The following ZNF100 variants were observed in gnomAD, a reference collection of about 807,000 sequenced individuals.
The protein encoded by ZNF100 is zinc finger protein 100.
In ZNF100, 12 loss-of-function variants were observed where a neutral mutation model predicts 15.8. The observed-to-expected ratio is 0.76, with a 90% CI of 0.49 to 1.23. The LOEUF (loss-of-function observed/expected upper bound fraction) is 1.23. ZNF100 is among the 50% of genes most tolerant of loss of function. The pLI is 0.00. For synonymous variants in ZNF100, 226 were observed against 214.8 expected (o/e 1.05, Z -0.45); for missense variants, 670 against 635.6 (o/e 1.05, Z -0.58).
At chr19:21,740,495 A>C (rs2036089095) in intron 4 of ZNF100, among the ~76,000 whole-genome samples, 1 of 152,068 alleles carries the variant, frequency 6.6e-6, no homozygotes, top group South Asian at 2.1e-4. Flanking sequence ...GAAAAAAAAA[A>C]CATTCAACTG....
At chr19:21,766,466 T>G (rs1418206608) in intron 1 of ZNF100, among the ~76,000 whole-genome samples, 1 of 151,188 alleles carries the variant, frequency 6.6e-6, no homozygotes, top group Non-Finnish European at 1.5e-5. Flanking sequence ...AATTACTACA[T>G]TCAGAGAAAA....
chr19:21,748,160 T>A (rs781444261), intron 2 of ZNF100, among the ~76,000 whole-genome samples: 1 of 152,152 alleles, frequency 6.6e-6, no homozygotes, highest in Non-Finnish European at 1.5e-5. Context: ...ATACAAAATT[T>A]AAAAAAATAA....
chr19:21,726,534 C>G lies in ZNF100; in HGVS notation c.*149G>C. On this transcript the variant is annotated 3_prime_UTR_variant, in exon 5 of 5. Coordinates refer to ENST00000358296, the MANE Select transcript of ZNF100 (RefSeq NM_173531.4). ...CATCTTTCTGGTTTGTAGAATTTCT[C>G]TCTAGTATGAATTATCTTATGTCTG... is the stretch of plus-strand genomic sequence containing the variant. 1.4e-6 allele frequency: 1 copy of G among 718,424 alleles called. No individual in the cohort carries two copies. Among genetic ancestry groups the G allele is most frequent in the Non-Finnish European group, 2.2e-6 (1 of 461,134 alleles). The allele number at this position is 718,424 out of a possible 1,614,324, so 44.5% of individuals were successfully genotyped here. A position where few individuals can be genotyped will look rare whatever the true frequency, so the allele number is the denominator to read the frequency against.
Position 21,726,542 on chromosome 19 carries a change from T to C in ZNF100, c.*141A>G. 1.3e-6 allele frequency: 1 copy of C among 746,748 alleles called. No homozygotes were observed. The highest frequency in any genetic ancestry group is 2.1e-6 in the Non-Finnish European group (1 of 483,126). 46.3% of individuals were successfully genotyped at this position (746,748 alleles called of 1,614,324 possible). On this transcript the variant is annotated 3_prime_UTR_variant, in exon 5 of 5. Coordinates refer to ENST00000358296, the MANE Select transcript of ZNF100 (RefSeq NM_173531.4). ...TGGTTTGTAGAATTTCTCTCTAGTA[T>C]GAATTATCTTATGTCTGTTAGGAAT...
At chr19:21,754,259 G>C (rs2145734611) in intron 2 of ZNF100, among the ~76,000 whole-genome samples, 1 of 151,230 alleles carries the variant, frequency 6.6e-6, no homozygotes, top group South Asian at 2.1e-4. Context: ...ACAAAACATT[G>C]TTTATGGAGT....
chr19:21,746,788 T>C (rs1429831968), intron 2 of ZNF100: 2 of 151,826 alleles, frequency 1.3e-5, no homozygotes, highest in Non-Finnish European at 1.5e-5. Context: ...TAGAAAAGAG[T>C]GGACAAAGCT....
chr19:21,751,253 A>G (rs1599398521), intron 2 of ZNF100: 1 of 1,173,264 alleles, frequency 8.5e-7, no homozygotes, highest in East Asian at 2.3e-5. Context: ...AGCCAGCCTA[A>G]CCTTAGAACC....
At chr19:21,750,657 C>T (rs1472288771) in intron 2 of ZNF100, 2 of 210,858 alleles carry the variant, frequency 9.5e-6, no homozygotes, top group East Asian at 1.1e-4. Flanking sequence ...GCGCGGCGAG[C>T]GTGCAGGGAG....
intron 4 of ZNF100, among the ~76,000 whole-genome samples, chr19:21,735,222 G>T (rs935277903): frequency 2.0e-5 from 3 of 152,014 alleles, no homozygotes; most frequent in African/African-American, 7.3e-5. Context: ...AATTTAAATG[G>T]ACTGAATGCT....
intron 4 of ZNF100, among the ~76,000 whole-genome samples, chr19:21,730,104 TTC>T (rs893665848): frequency 5.9e-4 from 89 of 152,110 alleles, no homozygotes; most frequent in Non-Finnish European, 7.5e-4. Context: ...TAGTATGTCT[TTC>T]TGTTTCAGAA....
intron 3 of ZNF100, 133 bp from the exon 4 acceptor site, chr19:21,744,248 T>C: frequency 4.8e-6 from 4 of 826,334 alleles, no homozygotes; most frequent in Non-Finnish European, 6.6e-6. Flanking sequence ...GAGAGAAATT[T>C]CTAAATATTT....
chr19:21,756,853 G>A (rs1446034857), intron 2 of ZNF100, among the ~76,000 whole-genome samples: 2 of 152,132 alleles, frequency 1.3e-5, no homozygotes, highest in African/African-American at 2.4e-5. Flanking sequence ...ACAGGGCTAC[G>A]ATAACCAAAG....
chr19:21,741,846 T>C (rs2036115205), intron 4 of ZNF100, among the ~76,000 whole-genome samples: 1 of 152,096 alleles, frequency 6.6e-6, no homozygotes, highest in South Asian at 2.1e-4. Context: ...CTGGCAATTT[T>C]TTAAATAATT....
intron 4 of ZNF100, among the ~76,000 whole-genome samples, chr19:21,739,056 C>T (rs371892581): frequency 7.9e-5 from 12 of 152,152 alleles, no homozygotes; most frequent in African/African-American, 1.9e-4. Flanking sequence ...ATGAGAAATT[C>T]GTCCCCATGA....
In ZNF100 at chr19:21,723,360, C is replaced by CAAAAAAAAAAAAAA. The variant is rs763305626; in HGVS notation, c.*3309_*3322dup. ...GGGCAACAAGAGTGAGACTCTGTCT[C>CAAAAAAAAAAAAAA]AAAAAAAAAAAAAAAAAAAAAAACA... is the stretch of plus-strand genomic sequence containing the variant. On this transcript the variant is annotated 3_prime_UTR_variant, in exon 5 of 5. Transcript: ENST00000358296. 1.9e-5 allele frequency: 1 copy of CAAAAAAAAAAAAAA among 52,804 alleles called. No homozygotes were observed. Among genetic ancestry groups the CAAAAAAAAAAAAAA allele is most frequent in the Non-Finnish European group, 3.6e-5 (1 of 27,648 alleles). The allele number at this position is 52,804 out of a possible 1,614,324, so 3.3% of individuals were successfully genotyped here.
Position 21,724,950 on chromosome 19 carries a change from C to T in ZNF100, c.*1733G>A, listed in dbSNP as rs1215345716. On this transcript the variant is annotated 3_prime_UTR_variant, in exon 5 of 5. Coordinates refer to ENST00000358296, the MANE Select transcript of ZNF100 (RefSeq NM_173531.4). ...CCTGTAATCCCAGCTACTTAGGAGG[C>T]TGAGGCAGGAGAATTGCGTGAACCC... 5 of 152,140 alleles carry T rather than the reference C, an allele frequency of 3.3e-5. No homozygotes were observed. Among genetic ancestry groups the T allele is most frequent in the Admixed American group, 3.3e-4 (5 of 15,256 alleles). The allele number at this position is 152,140 out of a possible 1,614,324, so 9.4% of individuals were successfully genotyped here.
intron 2 of ZNF100, among the ~76,000 whole-genome samples, chr19:21,758,323 G>A (rs763494818): frequency 4.6e-5 from 7 of 152,142 alleles, no homozygotes; most frequent in Non-Finnish European, 8.8e-5. Flanking sequence ...TACCTCTTTG[G>A]TGCTATGCTT....
intron 4 of ZNF100, among the ~76,000 whole-genome samples, chr19:21,742,293 T>G: frequency 8.5e-6 from 1 of 117,758 alleles, no homozygotes; most frequent in African/African-American, 3.5e-5. Context: ...CAAGACTCTG[T>G]CCCCCACCCA....
rs2035785130 is a variant in ZNF100, at chr19:21,726,377, A to C, written c.*306T>G. ...GTTCACACATGTAGAAGTTTTCTCC[A>C]GTATAACTTACCTTACCTACAATCA... On this transcript the variant is annotated 3_prime_UTR_variant, in exon 5 of 5. Coordinates refer to ENST00000358296, the MANE Select transcript of ZNF100 (RefSeq NM_173531.4). 9.7e-6 allele frequency: 3 copies of C among 310,740 alleles called. No homozygotes were observed. The highest frequency in any genetic ancestry group is 1.8e-5 in the Non-Finnish European group (3 of 169,644). The allele number at this position is 310,740 out of a possible 1,614,324, so 19.2% of individuals were successfully genotyped here.
Sources: gnomAD v4.1 joint callset for allele counts (sites outside exome capture counted in the v4.1 genomes callset) on GRCh38, gnomAD v4.1.1 for gene constraint, MANE v1.5 for transcripts, NCBI Gene and HGNC (gene_info 2026-07-23, HGNC 2026-07-21) for gene names.